HAO2: variants seen among roughly 807,000 people sequenced by gnomAD.
HAO2 encodes 2-Hydroxyacid oxidase 2.
HAO2 carries 42 observed loss-of-function variants against 37.4 expected under a neutral mutation model. The observed-to-expected ratio is 1.12, with a 90% CI of 0.88 to 1.45. HAO2 has a LOEUF of 1.45. HAO2 is among the 40% of genes most tolerant of loss of function. The pLI, the probability that HAO2 is intolerant of heterozygous loss-of-function variation, is 0.00. For missense variants in HAO2, 476 were observed against 430.2 expected (o/e 1.11, Z -0.94); for synonymous variants, 180 against 162.8 (o/e 1.11, Z -0.81).
In HAO2 at chr1:119,384,756, T is replaced by C. The variant is rs746118980; in HGVS notation, c.284-20T>C. ...AGAGGCCTCTGCCCTCCAGCCTGAG[T>C]CATGTCCTTTGCTTTACAGCTGCCC... is the stretch of plus-strand genomic sequence containing the variant. On this transcript the variant is annotated intron_variant, in intron 3 of 7. Transcript: ENST00000325945. 18 of 1,611,602 alleles carry C rather than the reference T, an allele frequency of 1.1e-5. 1 individual carries two copies. In the South Asian group the frequency reaches 2.0e-4, roughly 18 times the overall value.
chr1:119,369,839 C>T (rs984310329), intron 1 of HAO2, among the ~76,000 whole-genome samples: 88 of 152,004 alleles, frequency 5.8e-4, no homozygotes, highest in African/African-American at 1.7e-3. Context: ...CTGTCTTCTT[C>T]GACTGTAAGC....
At position 119,392,127 on chromosome 1, in the gene HAO2, A is replaced by G; in HGVS notation, c.789A>G (p.Glu263=). 6.2e-7 allele frequency: 1 copy of G among 1,612,792 alleles called. No homozygotes were observed. Among genetic ancestry groups the G allele is most frequent in the African/African-American group, 1.3e-5 (1 of 74,984 alleles). The part of the protein sequence containing the change: ...EVLASIDALT[E]VVAAVKGKIE... ...CTTTTCAGATTGATGCTTTGACAGA[A>G]GTGGTGGCTGCTGTAAAGGGGAAAA... The change falls in exon 6 of 8, where the codon GAA becomes GAG. Residue 263 remains glutamate, a synonymous_variant. Coordinates refer to ENST00000325945, the MANE Select transcript of HAO2 (RefSeq NM_016527.4).
At position 119,385,025 on chromosome 1, in the gene HAO2, C is replaced by T. The variant is rs1227122732; in HGVS notation, c.533C>T (p.Thr178Ile). 2.5e-6 allele frequency: 4 copies of T among 1,612,974 alleles called. No individual in the cohort carries two copies. The highest frequency in any genetic ancestry group is 3.4e-6 in the Non-Finnish European group (4 of 1,179,204). ...DIRNQLRRNL[T>I]LTDLQSPKKG... ...CGAAACCAGTTGAGGAGGAACTTAA[C>T]ACTAACAGATCTTCAATCACCTAAA... is the stretch of plus-strand genomic sequence containing the variant. The change falls in exon 4 of 8, where the codon ACA (threonine) becomes ATA (isoleucine). Residue 178 changes from threonine (T) to isoleucine (I), a missense_variant. Thr to Ile is a moderately conservative substitution (Grantham distance 89). Transcript: ENST00000325945.
In HAO2 at chr1:119,385,495, C is replaced by T. The variant is rs1650306238; in HGVS notation, c.561+442C>T. 3.9e-6 allele frequency: 3 copies of T among 773,290 alleles called. No individual in the cohort carries two copies. In the South Asian group the frequency reaches 1.8e-4, roughly 45 times the overall value. The allele number at this position is 773,290 out of a possible 1,614,324, so 47.9% of individuals were successfully genotyped here. On this transcript the variant is annotated intron_variant, in intron 4 of 7. Coordinates refer to ENST00000325945, the MANE Select transcript of HAO2 (RefSeq NM_016527.4). ...TTCATGACCAAAGTGACTGGCCAGA[C>T]AGTCTAGACAGGCCAGGTTCTACCT...
chr1:119,379,139 C>A (rs1423133216), intron 1 of HAO2, among the ~76,000 whole-genome samples: 1 of 152,136 alleles, frequency 6.6e-6, no homozygotes, highest in Non-Finnish European at 1.5e-5. Flanking sequence ...TTAATTCCCC[C>A]AGCAACAAGA....
At chr1:119,381,317 TCACTC>T in intron 2 of HAO2, 101 bp downstream of exon 2, 1 of 845,640 alleles carries the variant, frequency 1.2e-6, no homozygotes, top group African/African-American at 1.7e-5. Flanking sequence ...AAAACACAGA[TCACTC>T]AAGACCTAAT....
intron 3 of HAO2, 42 bp from the exon 4 acceptor site, chr1:119,384,734 G>T: frequency 6.3e-7 from 1 of 1,587,590 alleles, no homozygotes; most frequent in Non-Finnish European, 8.6e-7. Context: ...CCAGTCCAGA[G>T]GCCTCTGCCC....
chr1:119,373,345 T>C (rs1461229044), intron 1 of HAO2, among the ~76,000 whole-genome samples: 1 of 152,216 alleles, frequency 6.6e-6, no homozygotes, highest in Non-Finnish European at 1.5e-5. Flanking sequence ...TTCTAAGTTA[T>C]ATTGCCAGGC....
intron 4 of HAO2, 119 bp from the exon 5 acceptor site, chr1:119,386,503 G>T (rs1300458327): frequency 7.3e-6 from 5 of 683,902 alleles, no homozygotes; most frequent in Non-Finnish European, 1.3e-5. Flanking sequence ...ACCATGCCCA[G>T]CCCTGTTCTT....
chr1:119,381,518 AGGATG>A (rs1048454581), intron 2 of HAO2, among the ~76,000 whole-genome samples: 5 of 152,176 alleles, frequency 3.3e-5, no homozygotes, highest in African/African-American at 1.2e-4. Context: ...CTAGGCAGGG[AGGATG>A]GGCCTGCTGG....
At position 119,386,806 on chromosome 1, in the gene HAO2, G is replaced by C. The variant is rs149105856; in HGVS notation, c.746G>C (p.Arg249Thr). 9 of 1,611,986 alleles carry C rather than the reference G, an allele frequency of 5.6e-6. No homozygotes were observed. The highest frequency in any genetic ancestry group is 6.8e-6 in the Non-Finnish European group (8 of 1,178,062). The change falls in exon 5 of 8, where the codon AGG becomes ACG. Residue 249 changes from arginine (R) to threonine (T), a missense_variant. Physicochemically the swap from Arg to Thr is moderately conservative, Grantham distance 71. Transcript: ENST00000325945. ...ATCATTGTTTCCAACCATGGTGGGA[G>C]GCAGCTTGATGAGGTTCTTGCTTCA... ...QGIIVSNHGG[R>T]QLDEVLASID...
At chr1:119,381,861 G>T (rs587766373) in intron 2 of HAO2, among the ~76,000 whole-genome samples, 8 of 152,254 alleles carry the variant, frequency 5.3e-5, no homozygotes, top group Non-Finnish European at 1.2e-4. Flanking sequence ...TCAAATTTTG[G>T]TGTCCATAAA....
intron 5 of HAO2, 117 bp from the exon 6 acceptor site, chr1:119,391,993 G>C: frequency 1.2e-6 from 1 of 826,594 alleles, no homozygotes; most frequent in South Asian, 1.9e-5. Context: ...AAGCATGGGA[G>C]GGGAAGAAAT....
intron 4 of HAO2, chr1:119,385,753 G>T: frequency 1.0e-6 from 1 of 985,336 alleles, no homozygotes; most frequent in Non-Finnish European, 1.2e-6. Context: ...TTTTCAACCA[G>T]TGGGCAACTG....
intron 1 of HAO2, among the ~76,000 whole-genome samples, chr1:119,371,475 G>A (rs1649003461): frequency 1.3e-5 from 2 of 152,112 alleles, no homozygotes; most frequent in Admixed American, 6.5e-5. Flanking sequence ...ATTTTTTGAG[G>A]GAAGAAAGCA....
chr1:119,386,956 G>T, intron 5 of HAO2, 125 bp downstream of exon 5: 1 of 659,896 alleles, frequency 1.5e-6, no homozygotes, highest in Admixed American at 2.4e-5. Flanking sequence ...ACATGTGTTG[G>T]TATGTATCTG....
intron 1 of HAO2, chr1:119,380,774 G>A (rs1649858372): frequency 8.6e-7 from 1 of 1,166,448 alleles, no homozygotes; most frequent in Non-Finnish European, 1.3e-6. Context: ...AGAAGTGGTG[G>A]GGCCTCAACT....
chr1:119,390,178 T>C (rs748275036), intron 5 of HAO2, among the ~76,000 whole-genome samples: 1 of 152,242 alleles, frequency 6.6e-6, no homozygotes, highest in Non-Finnish European at 1.5e-5. Context: ...CCATGCTGTT[T>C]TGGTGACTAT....
chr1:119,381,853 A>C (rs1649972684), intron 2 of HAO2, among the ~76,000 whole-genome samples: 1 of 152,230 alleles, frequency 6.6e-6, no homozygotes, highest in Admixed American at 6.5e-5. Context: ...TATGAAGTTC[A>C]AATTTTGGTG....
Sources: gnomAD v4.1 joint callset for allele counts (sites outside exome capture counted in the v4.1 genomes callset) on GRCh38, gnomAD v4.1.1 for gene constraint, MANE v1.5 for transcripts, NCBI Gene and HGNC (gene_info 2026-07-23, HGNC 2026-07-21) for gene names.